The following OLIG3 variants were observed in gnomAD, a reference collection of about 807,000 sequenced individuals.
The protein encoded by OLIG3 is oligodendrocyte transcription factor 3.
OLIG3 carries 12 observed loss-of-function variants against 14.7 expected under a neutral mutation model. That is an observed-to-expected ratio of 0.82 (90% confidence interval 0.52 to 1.32). The LOEUF (loss-of-function observed/expected upper bound fraction) is 1.32, where lower values mean the gene tolerates loss of function less well. OLIG3 is among the 40% of genes most tolerant of loss of function. The probability of loss-of-function intolerance (pLI) is 0.00; values close to 1 mark genes in which losing one functional copy is unlikely to be tolerated. For synonymous variants in OLIG3, 192 were observed against 171.4 expected (o/e 1.12, Z -0.94); for missense variants, 405 against 373.7 (o/e 1.08, Z -0.69).
In OLIG3 at chr6:137,493,722, T is replaced by C. The variant is rs1205100877; in HGVS notation, c.449A>G (p.Glu150Gly). ...SLEEMKRLVG[E>G]IYGGHHSAFH... ...GGCCGAGTGGTGGCCCCCATAGATC[T>C]CGCCAACCAGCCTCTTCATCTCCTC... is the stretch of plus-strand genomic sequence containing the variant. Residue 150 changes from glutamate to glycine, a missense_variant, in exon 1 of 1, where the codon GAG becomes GGG. Physicochemically the swap from Glu to Gly is moderately conservative, Grantham distance 98. Coordinates refer to ENST00000367734, the MANE Select transcript of OLIG3 (RefSeq NM_175747.2). The surrounding 1 kb of genome is among the most constrained non-coding windows in gnomAD (Gnocchi z 6.1). 1.2e-6 allele frequency: 2 copies of C among 1,613,620 alleles called. No homozygotes were observed. Among genetic ancestry groups the C allele is most frequent in the Non-Finnish European group, 1.7e-6 (2 of 1,180,018 alleles).
Position 137,493,487 on chromosome 6 carries a change from G to A in OLIG3, c.684C>T (p.Gly228=). 1 of 1,574,624 alleles carries A rather than the reference G, an allele frequency of 6.4e-7. No homozygotes were observed. The highest frequency in any genetic ancestry group is 8.6e-7 in the Non-Finnish European group (1 of 1,164,534). ...GACCAGCCCAGTGCTGGAAGCCGCTGCCCAGCTGCAGCGCGGGCGGCGTGG... is the reference window on the plus strand; with the variant it reads ...GACCAGCCCAGTGCTGGAAGCCGCTACCCAGCTGCAGCGCGGGCGGCGTGG... ...APSTPPALQL[G]SGFQHWAGLP... The change falls in exon 1 of 1, where the codon GGC becomes GGT. Residue 228 remains glycine, a synonymous_variant. Coordinates refer to ENST00000367734, the MANE Select transcript of OLIG3 (RefSeq NM_175747.2). This position sits in a 1 kb window ranked among gnomAD's most constrained non-coding sequence, Gnocchi z 6.1.
At position 137,493,667 on chromosome 6, in the gene OLIG3, G is replaced by C. The variant is rs1469112667; in HGVS notation, c.504C>G (p.Ala168=). The change falls in exon 1 of 1, where the codon GCC becomes GCG. Residue 168 remains alanine (A), a synonymous_variant. Transcript: ENST00000367734. This position sits in a 1 kb window ranked among gnomAD's most constrained non-coding sequence, Gnocchi z 6.1. ...AGTTGGCCGCGTGCGCGGGGTGGCCGGCCGAGTGGCCCACGGTCCCGCAGT... is the reference window on the plus strand; with the variant it reads ...AGTTGGCCGCGTGCGCGGGGTGGCCCGCCGAGTGGCCCACGGTCCCGCAGT... ...AFHCGTVGHS[A]GHPAHAANSV... 2 of 1,609,734 alleles carry C rather than the reference G, an allele frequency of 1.2e-6. No individual in the cohort carries two copies. Among genetic ancestry groups the C allele is most frequent in the Admixed American group, 3.3e-5 (2 of 59,972 alleles).
chr6:137,494,083 G>GGTC lies in OLIG3; in HGVS notation c.87_88insGAC (p.His29_His30insAsp). 1 of 1,611,982 alleles carries GGTC rather than the reference G, an allele frequency of 6.2e-7. No homozygotes were observed. Among genetic ancestry groups the GGTC allele is most frequent in the Non-Finnish European group, 8.5e-7 (1 of 1,179,982 alleles). ...TTGAGACGGCTCTCCTGGTGGTGGT[G>GGTC]GTGGCGGTGGTGGTGGTCCCTCAGG... On this transcript the variant is annotated inframe_insertion, in exon 1 of 1. Transcript: ENST00000367734.
At position 137,493,407 on chromosome 6, in the gene OLIG3, A is replaced by C; in HGVS notation, c.764T>G (p.Leu255Arg). ...CAGCCGGGCCATGTTGGCTGTGGAG[A>C]GAGCGGACAGGTGCGGCGGCGGCGG... is the stretch of plus-strand genomic sequence containing the variant. ...QMPPPPHLSA[L>R]STANMARLSA... The change falls in exon 1 of 1, where the codon CTC (leucine) becomes CGC (arginine). Residue 255 changes from leucine (L) to arginine (R), a missense_variant. Physicochemically the swap from Leu to Arg is moderately radical, Grantham distance 102. This residue lies in a region of OLIG3 where 230 missense variants were observed against 178.5 expected (regional missense o/e 1.29). Coordinates refer to ENST00000367734, the MANE Select transcript of OLIG3 (RefSeq NM_175747.2). This position sits in a 1 kb window ranked among gnomAD's most constrained non-coding sequence, Gnocchi z 6.1. 6.3e-7 allele frequency: 1 copy of C among 1,594,126 alleles called. No homozygotes were observed. Among genetic ancestry groups the C allele is most frequent in the South Asian group, 1.1e-5 (1 of 89,462 alleles).
rs1783168555 is a variant in OLIG3 at position 137,494,334 on chromosome 6, C to T, written c.-164G>A. The T allele has an allele frequency of 1.5e-6, 1 of 653,176 alleles. No individual in the cohort carries two copies. Among genetic ancestry groups the T allele is most frequent in the South Asian group, 2.0e-5 (1 of 49,472 alleles). 40.5% of individuals were successfully genotyped at this position (653,176 alleles called of 1,614,324 possible). A position where few individuals can be genotyped will look rare whatever the true frequency, so the allele number is the denominator to read the frequency against. ...GCTGCTTTTCCCCGCCTCTCTCCCT[C>T]CCACGCCCCTCTCTCTGGTTAGGCT... On this transcript the variant is annotated 5_prime_UTR_variant, in exon 1 of 1. Transcript: ENST00000367734.
At position 137,493,858 on chromosome 6, in the gene OLIG3, C is replaced by A. The variant is rs146038972; in HGVS notation, c.313G>T (p.Gly105Trp). The change falls in exon 1 of 1, where the codon GGG (glycine) becomes TGG (tryptophan). Residue 105 changes from glycine (G) to tryptophan (W), a missense_variant. Coordinates refer to ENST00000367734, the MANE Select transcript of OLIG3 (RefSeq NM_175747.2). The surrounding 1 kb of genome is among the most constrained non-coding windows in gnomAD (Gnocchi z 6.1). ...GCGTAGGGCATGACTTCGCGCAGCC[C>A]GTCCATGGCTAGGTTCAGGTCGTGC... is the stretch of plus-strand genomic sequence containing the variant. The part of the protein sequence containing the change: ...RMHDLNLAMD[G>W]LREVMPYAHG... The A allele has an allele frequency of 2.5e-6, 4 of 1,614,126 alleles. No individual in the cohort carries two copies. The highest frequency in any genetic ancestry group is 3.4e-6 in the Non-Finnish European group (4 of 1,180,052).
Position 137,493,931 on chromosome 6 carries a change from G to T in OLIG3, c.240C>A (p.Asp80Glu). The change falls in exon 1 of 1, where the codon GAC becomes GAA. Residue 80 changes from aspartate to glutamate, a missense_variant. Asp to Glu is a conservative substitution (Grantham distance 45). Around this residue, in one of 3 missense-constraint regions of OLIG3, gnomAD observed 165 missense variants for 165.5 expected, o/e 1.00. Transcript: ENST00000367734. The surrounding 1 kb of genome is among the most constrained non-coding windows in gnomAD (Gnocchi z 6.1). ...TGATCTTCAGCCTCAACTGCTGTAG[G>T]TCCTGCTCCGACAGCTGCTTCTTGA... The part of the protein sequence containing the change: ...YKIKKQLSEQ[D>E]LQQLRLKING... 1 of 1,614,218 alleles carries T rather than the reference G, an allele frequency of 6.2e-7. No individual in the cohort carries two copies. Among genetic ancestry groups the T allele is most frequent in the Non-Finnish European group, 8.5e-7 (1 of 1,180,036 alleles).
chr6:137,493,128 C>A lies in OLIG3; in HGVS notation c.*224G>T. On this transcript the variant is annotated 3_prime_UTR_variant, in exon 1 of 1. Coordinates refer to ENST00000367734, the MANE Select transcript of OLIG3 (RefSeq NM_175747.2). This position sits in a 1 kb window ranked among gnomAD's most constrained non-coding sequence, Gnocchi z 6.1. Reference sequence around the variant, plus strand: ...CATGCAAAACACACGACATCTGGTTCGAGTCCCCCTTTGCTACCACCTAGA... The same window carrying A: ...CATGCAAAACACACGACATCTGGTTAGAGTCCCCCTTTGCTACCACCTAGA... 1 of 526,624 alleles carries A rather than the reference C, an allele frequency of 1.9e-6. No individual in the cohort carries two copies. Among genetic ancestry groups the A allele is most frequent in the South Asian group, 2.6e-5 (1 of 38,186 alleles). The allele number at this position is 526,624 out of a possible 1,614,324, so 32.6% of individuals were successfully genotyped here.
rs1783145154 is a variant in OLIG3 at position 137,493,260 on chromosome 6, C to A, written c.*92G>T. The A allele has an allele frequency of 4.6e-6, 5 of 1,087,216 alleles. No homozygotes were observed. The highest frequency in any genetic ancestry group is 6.3e-6 in the Non-Finnish European group (5 of 795,960). 67.3% of individuals were successfully genotyped at this position (1,087,216 alleles called of 1,614,324 possible). On this transcript the variant is annotated 3_prime_UTR_variant, in exon 1 of 1. Transcript: ENST00000367734. This position sits in a 1 kb window ranked among gnomAD's most constrained non-coding sequence, Gnocchi z 6.1. ...CCCCGGAGCCTGCCCTCCCGTGGGC[C>A]GAGCGTGCAGCCTCCCTCTTCCCTC...
rs146880588 is a variant in OLIG3, at chr6:137,493,529, C to T, written c.642G>A (p.Ser214=). ...PAIGTIRPPH[S]LLKAPSTPPA... ...GCGGCGTGGAGGGCGCCTTGAGTAG[C>T]GAGTGGGGAGGCCGGATGGTGCCGA... Residue 214 remains serine, a synonymous_variant, in exon 1 of 1, where the codon TCG becomes TCA. Transcript: ENST00000367734. The surrounding 1 kb of genome is among the most constrained non-coding windows in gnomAD (Gnocchi z 6.1). The T allele has an allele frequency of 2.5e-6, 4 of 1,577,796 alleles. No individual in the cohort carries two copies. Among genetic ancestry groups the T allele is most frequent in the Middle Eastern group, 1.7e-4 (1 of 5,990 alleles).
Sources: allele counts gnomAD v4.1 joint callset, GRCh38; gene constraint gnomAD v4.1.1; regional missense constraint gnomAD v4.1.1; non-coding constraint Gnocchi (gnomAD v3.1); transcripts MANE v1.5; gene names NCBI Gene and HGNC (gene_info 2026-07-23, HGNC 2026-07-21).